Variants in PTGIR observed in about 807,000 individuals in gnomAD.
The protein encoded by PTGIR is prostaglandin I2 receptor.
In PTGIR, 16 loss-of-function variants were observed where a neutral mutation model predicts 17.6. The observed-to-expected ratio is 0.91, with a 90% CI of 0.61 to 1.38. PTGIR has a LOEUF of 1.38. Among genes scored for constraint, PTGIR ranks in the 40% most tolerant of loss-of-function variants. The pLI, the probability that PTGIR is intolerant of heterozygous loss-of-function variation, is 0.00. For missense variants in PTGIR, 532 were observed against 548.6 expected, an observed-to-expected ratio of 0.97 and a Z score of 0.30; for synonymous variants, 274 against 255.4, an observed-to-expected ratio of 1.07 and a Z score of -0.69.
the PTGIR span, among the ~76,000 whole-genome samples, chr19:46,611,522 C>G: frequency 6.6e-6 from 1 of 152,224 alleles, no homozygotes; most frequent in Non-Finnish European, 1.5e-5. Flanking sequence ...TTGCAAACCA[C>G]ACAAGGCAGA....
intron 2 of PTGIR, chr19:46,622,382 C>G (rs2052739637): frequency 1.0e-6 from 1 of 985,416 alleles, no homozygotes. Context: ...TGCCCCTCAT[C>G]TGTAAAAACG....
chr19:46,615,137 C>T, the PTGIR span, among the ~76,000 whole-genome samples: 4 of 149,954 alleles, frequency 2.7e-5, no homozygotes, highest in Admixed American at 1.3e-4. Flanking sequence ...TGCAGTGAGC[C>T]GAGATTGTGC....
the PTGIR span, among the ~76,000 whole-genome samples, chr19:46,611,447 A>G: frequency 1.3e-5 from 2 of 152,208 alleles, no homozygotes; most frequent in Non-Finnish European, 2.9e-5. Context: ...CATGGTCCTG[A>G]GCTCACAGGG....
At chr19:46,619,585 A>AGAG (rs1972020533), downstream of PTGIR, among the ~76,000 whole-genome samples, 1 of 127,068 alleles carries the variant, frequency 7.9e-6, no homozygotes, top group African/African-American at 2.9e-5. Context: ...GAGAGAGAGA[A>AGAG]AGAAAGAAAA....
downstream of PTGIR, among the ~76,000 whole-genome samples, chr19:46,615,832 C>T (rs1289263502): frequency 2.6e-5 from 4 of 151,190 alleles, no homozygotes; most frequent in Admixed American, 6.6e-5. Flanking sequence ...GACAGAGTCT[C>T]GCTCTGTCGC....
downstream of PTGIR, among the ~76,000 whole-genome samples, chr19:46,619,629 G>GAA (rs1555816612): frequency 7.3e-6 from 1 of 136,616 alleles, no homozygotes; most frequent in East Asian, 2.0e-4. Flanking sequence ...AAGAAAGAAA[G>GAA]AAAGAAAGAA....
At position 46,623,829 on chromosome 19, in the gene PTGIR, G is replaced by T; in HGVS notation, c.397C>A (p.Pro133Thr). 1 of 1,607,454 alleles carries T rather than the reference G, an allele frequency of 6.2e-7. No homozygotes were observed. The change falls in exon 2 of 3, where the codon CCC (proline) becomes ACC (threonine). Residue 133 changes from proline (P) to threonine (T), a missense_variant. By Grantham distance (38) the Pro-to-Thr change is conservative. Transcript: ENST00000291294. ...GGCAGCGCCAGGCGGGCGCAGCGGGGCCCGTCCAGCTGCGCGTAGAGGTAG... is the reference window on the plus strand; with the variant it reads ...GGCAGCGCCAGGCGGGCGCAGCGGGTCCCGTCCAGCTGCGCGTAGAGGTAG... The part of the protein sequence containing the change: ...HPYLYAQLDG[P>T]RCARLALPAI...
chr19:46,621,645 G>A lies in PTGIR; in HGVS notation c.796C>T (p.Pro266Ser). Residue 266 changes from proline (P) to serine (S), a missense_variant, in exon 3 of 3, where the codon CCT becomes TCT. By Grantham distance (74) the Pro-to-Ser change is moderately conservative. Coordinates refer to ENST00000291294, the MANE Select transcript of PTGIR (RefSeq NM_000960.4). The surrounding 1 kb of genome is among the most constrained non-coding windows in gnomAD (Gnocchi z 4.8). The part of the protein sequence containing the change: ...TIRCFTQAVA[P>S]DSSSEMGDLL... ...TCCCCCATCTCACTGCTGCTGTCAG[G>A]GGCGACAGCCTGGGTGAAGCAGCGG... The A allele has an allele frequency of 6.2e-7, 1 of 1,612,974 alleles. No homozygotes were observed. Among genetic ancestry groups the A allele is most frequent in the Non-Finnish European group, 8.5e-7 (1 of 1,179,758 alleles).
At chr19:46,622,320 A>G (rs1331798124) in intron 2 of PTGIR, 17 of 985,212 alleles carry the variant, frequency 1.7e-5, no homozygotes, top group Non-Finnish European at 2.0e-5. Flanking sequence ...AGGCTCTACA[A>G]TGGAAGGACC....
chr19:46,614,423 G>A, the PTGIR span: 2 of 985,386 alleles, frequency 2.0e-6, no homozygotes, highest in Non-Finnish European at 2.4e-6. Flanking sequence ...GTGCTAGGGA[G>A]ATGGGAATGA....
chr19:46,623,667 C>T lies in PTGIR; in HGVS notation c.559G>A (p.Ala187Thr), dbSNP rs761794745. 1.9e-6 allele frequency: 3 copies of T among 1,550,118 alleles called. No individual in the cohort carries two copies. Among genetic ancestry groups the T allele is most frequent in the South Asian group, 1.2e-5 (1 of 84,736 alleles). Residue 187 changes from alanine to threonine, a missense_variant, in exon 2 of 3, where the codon GCC becomes ACC. Transcript: ENST00000291294. ...AQPGGAAFSL[A>T]YAGLVALLVA... ...AGCAGGGCCACCAGGCCGGCGTAGG[C>T]CAGCGAGAAGGCGGCGCCGCCCGGC...
At chr19:46,619,671 A>AAAGCAAGC (rs1972031329), downstream of PTGIR, among the ~76,000 whole-genome samples, 1 of 144,854 alleles carries the variant, frequency 6.9e-6, no homozygotes, top group South Asian at 2.2e-4. Context: ...AGAAAGAAAG[A>AAAGCAAGC]AAGAGGATTT....
Position 46,621,877 on chromosome 19 carries a change from GA to G in PTGIR, c.769-206del. The G allele has an allele frequency of 7.4e-7, 1 of 1,356,122 alleles. No homozygotes were observed. Among genetic ancestry groups the G allele is most frequent in the Non-Finnish European group, 9.5e-7 (1 of 1,057,516 alleles). 84.0% of individuals were successfully genotyped at this position (1,356,122 alleles called of 1,614,324 possible). ...AAATTGCCAGAGATGCCTAAGGGGA[GA>G]GGGATGGGGGCCAGGTATGTGGGTC... On this transcript the variant is annotated intron_variant, in intron 2 of 2. Transcript: ENST00000291294. This position sits in a 1 kb window ranked among gnomAD's most constrained non-coding sequence, Gnocchi z 4.8.
At chr19:46,619,606 AAAG>A (rs1292983465), downstream of PTGIR, among the ~76,000 whole-genome samples, 3 of 105,592 alleles carry the variant, frequency 2.8e-5, no homozygotes, top group Non-Finnish European at 6.1e-5. Context: ...GAAAGAAAGG[AAAG>A]AAAGAAAGAA....
chr19:46,617,492 C>T (rs956245200), downstream of PTGIR, among the ~76,000 whole-genome samples: 7 of 152,134 alleles, frequency 4.6e-5, no homozygotes, highest in African/African-American at 1.4e-4. Flanking sequence ...AGTAAGAGCC[C>T]ACAGAACCCC....
chr19:46,624,109 G>A lies in PTGIR; in HGVS notation c.117C>T (p.Ser39=), dbSNP rs776794335. ...CCGAGGGGCGCGCCGGTCGCCGTGC[G>A]CTCAGGATGCCCAGGGCCAGCCCGT... ...VGNGLALGIL[S]ARRPARPSAF... Residue 39 remains serine, a synonymous_variant, in exon 2 of 3, where the codon AGC becomes AGT. Coordinates refer to ENST00000291294, the MANE Select transcript of PTGIR (RefSeq NM_000960.4). The A allele has an allele frequency of 9.5e-5, 146 of 1,539,228 alleles. No individual in the cohort carries two copies. The highest frequency in any genetic ancestry group is 1.2e-4 in the Non-Finnish European group (139 of 1,149,118).
chr19:46,613,507 A>G, the PTGIR span, among the ~76,000 whole-genome samples: 16 of 151,712 alleles, frequency 1.1e-4, no homozygotes, highest in Non-Finnish European at 1.5e-5. Flanking sequence ...TTTCTTTTGT[A>G]TTTTAGTAGA....
In PTGIR at chr19:46,623,727, C is replaced by T. The variant is rs201086621; in HGVS notation, c.499G>A (p.Gly167Ser). Reference protein sequence around the residue: ...GLGQHQQYCPGSWCFLRMRWA... With the variant: ...GLGQHQQYCPSSWCFLRMRWA... ...CGCATGCGGAGGAAGCACCAGCTGCCGGGGCAGTACTGCTGGTGTTGGCCC... is the reference window on the plus strand; with the variant it reads ...CGCATGCGGAGGAAGCACCAGCTGCTGGGGCAGTACTGCTGGTGTTGGCCC... The change falls in exon 2 of 3, where the codon GGC becomes AGC. Residue 167 changes from glycine (G) to serine (S), a missense_variant. Coordinates refer to ENST00000291294, the MANE Select transcript of PTGIR (RefSeq NM_000960.4). 3.3e-5 allele frequency: 53 copies of T among 1,589,322 alleles called. No homozygotes were observed. Among genetic ancestry groups the T allele is most frequent in the Non-Finnish European group, 3.6e-5 (42 of 1,171,480 alleles).
rs374437041 is a variant in PTGIR at position 46,623,703 on chromosome 19, G to A, written c.523C>T (p.Arg175Cys). Reference sequence around the variant, plus strand: ...GCGGCGCCGCCCGGCTGGGCCCAGCGCATGCGGAGGAAGCACCAGCTGCCG... The same window carrying A: ...GCGGCGCCGCCCGGCTGGGCCCAGCACATGCGGAGGAAGCACCAGCTGCCG... Reference protein sequence around the residue: ...CPGSWCFLRMRWAQPGGAAFS... With the variant: ...CPGSWCFLRMCWAQPGGAAFS... Residue 175 changes from arginine to cysteine, a missense_variant, in exon 2 of 3, where the codon CGC (arginine) becomes TGC (cysteine). Physicochemically the swap from Arg to Cys is radical, Grantham distance 180. Coordinates refer to ENST00000291294, the MANE Select transcript of PTGIR (RefSeq NM_000960.4). 1.8e-5 allele frequency: 29 copies of A among 1,571,932 alleles called. No homozygotes were observed. Among genetic ancestry groups the A allele is most frequent in the Middle Eastern group, 1.7e-4 (1 of 5,956 alleles).
Sources: allele counts gnomAD v4.1 joint callset (sites outside exome capture counted in the v4.1 genomes callset), GRCh38; gene constraint gnomAD v4.1.1; non-coding constraint Gnocchi (gnomAD v3.1); transcripts MANE v1.5; gene names NCBI Gene and HGNC (gene_info 2026-07-23, HGNC 2026-07-21).